CTDSPL2: variants seen among roughly 807,000 people sequenced by gnomAD.
CTDSPL2 encodes CTD small phosphatase-like protein 2.
Under a neutral mutation model 60.0 loss-of-function variants are expected in CTDSPL2, and 5 were observed. The ratio of observed to expected loss-of-function variants is 0.08; its 90% CI spans 0.04 to 0.18. CTDSPL2 has a LOEUF of 0.18. CTDSPL2 is among the 10% of genes least tolerant of loss of function. The pLI, the probability that CTDSPL2 is intolerant of heterozygous loss-of-function variation, is 1.00. For missense variants in CTDSPL2, 370 were observed against 548.8 expected (o/e 0.67, Z 3.26); for synonymous variants, 186 against 189.3 (o/e 0.98, Z 0.14).
intron 2 of CTDSPL2, among the ~76,000 whole-genome samples, chr15:44,482,385 G>A (rs2081044867): frequency 6.6e-6 from 1 of 152,140 alleles, no homozygotes; most frequent in African/African-American, 2.4e-5. Flanking sequence ...CTCCCCTTCT[G>A]GACCCATTTT....
chr15:44,429,502 G>A (rs144199074), intron 1 of CTDSPL2, among the ~76,000 whole-genome samples: 241 of 152,282 alleles, frequency 1.6e-3, no homozygotes, highest in African/African-American at 5.6e-3. Flanking sequence ...GTTTTCAAGA[G>A]TTCTCCTAAA....
intron 8 of CTDSPL2, among the ~76,000 whole-genome samples, chr15:44,500,586 A>G (rs1015793183): frequency 6.6e-6 from 1 of 152,210 alleles, no homozygotes; most frequent in African/African-American, 2.4e-5. Context: ...TTGTCTGTCA[A>G]GAGGGAGCCA....
chr15:44,428,030 G>C (rs1212246819), intron 1 of CTDSPL2: 1 of 224,302 alleles, frequency 4.5e-6, no homozygotes, highest in Non-Finnish European at 8.6e-6. Flanking sequence ...TGTGATTTCT[G>C]GGGTTAGATT....
chr15:44,455,653 G>A (rs868620375), intron 1 of CTDSPL2, among the ~76,000 whole-genome samples: 1 of 151,962 alleles, frequency 6.6e-6, no homozygotes, highest in Non-Finnish European at 1.5e-5. Flanking sequence ...TTTGTCAAAG[G>A]CCTTTTCTAC....
chr15:44,518,061 G>A (rs560654821), intron 10 of CTDSPL2, among the ~76,000 whole-genome samples: 1 of 152,120 alleles, frequency 6.6e-6, no homozygotes, highest in African/African-American at 2.4e-5. Flanking sequence ...TTAAGGTTGA[G>A]TTTTTATTTG....
chr15:44,442,695 G>A (rs1282135702), intron 1 of CTDSPL2, among the ~76,000 whole-genome samples: 1 of 151,838 alleles, frequency 6.6e-6, no homozygotes, highest in Non-Finnish European at 1.5e-5. Flanking sequence ...AAAAAATAGG[G>A]CCAGGCATGG....
intron 8 of CTDSPL2, among the ~76,000 whole-genome samples, chr15:44,500,811 G>A (rs1463849714): frequency 6.6e-6 from 1 of 152,158 alleles, no homozygotes; most frequent in Non-Finnish European, 1.5e-5. Context: ...GTAATGAGTT[G>A]TAAGAGGATT....
chr15:44,494,643 C>G (rs2081267637), intron 5 of CTDSPL2, among the ~76,000 whole-genome samples: 1 of 151,762 alleles, frequency 6.6e-6, no homozygotes. Context: ...GATGCAGTGG[C>G]TCATGCCTGT....
chr15:44,445,308 C>G (rs2080187496), intron 1 of CTDSPL2, among the ~76,000 whole-genome samples: 1 of 152,082 alleles, frequency 6.6e-6, no homozygotes, highest in South Asian at 2.1e-4. Flanking sequence ...CCACCTCAGC[C>G]TCCCAAGTAG....
intron 8 of CTDSPL2, among the ~76,000 whole-genome samples, chr15:44,508,683 G>T (rs1031113144): frequency 6.6e-6 from 1 of 152,134 alleles, no homozygotes; most frequent in African/African-American, 2.4e-5. Flanking sequence ...AGCACTTTGG[G>T]AGGCTGAGGC....
chr15:44,476,048 A>G (rs193179717), intron 2 of CTDSPL2, among the ~76,000 whole-genome samples: 24 of 152,176 alleles, frequency 1.6e-4, no homozygotes, highest in African/African-American at 5.1e-4. Flanking sequence ...CTAATGATTC[A>G]TTATTAAGTA....
Position 44,445,209 on chromosome 15 carries a change from A to G in CTDSPL2, c.-24-13782A>G, listed in dbSNP as rs184124183. Among the ~76,000 whole-genome samples the G allele has an allele frequency of 2.2e-3, 331 of 151,188 alleles. 1 individual carries two copies. The highest frequency in any genetic ancestry group is 2.5e-3 in the Non-Finnish European group (171 of 67,840). On this transcript the variant is annotated intron_variant, in intron 1 of 12. Coordinates refer to ENST00000260327, the MANE Select transcript of CTDSPL2 (RefSeq NM_016396.3). ...ATTTTTTTTTTTCTTTTTGAGACAG[A>G]GTCTCACTCCGGCTGTTGCCCTGTC...
At chr15:44,461,910 A>G (rs2080579428) in intron 2 of CTDSPL2, among the ~76,000 whole-genome samples, 1 of 152,098 alleles carries the variant, frequency 6.6e-6, no homozygotes, top group South Asian at 2.1e-4. Context: ...ATGGACCAAT[A>G]CAGTTCAAAC....
chr15:44,468,109 C>G (rs552823932), intron 2 of CTDSPL2, among the ~76,000 whole-genome samples: 4 of 151,910 alleles, frequency 2.6e-5, no homozygotes, highest in Non-Finnish European at 5.9e-5. Context: ...AGCTTGTGTT[C>G]GATTGGTGTT....
At chr15:44,466,063 T>C (rs1249441332) in intron 2 of CTDSPL2, among the ~76,000 whole-genome samples, 3 of 151,762 alleles carry the variant, frequency 2.0e-5, no homozygotes, top group African/African-American at 4.8e-5. Flanking sequence ...GCTTCCTGAG[T>C]AGATGGGATT....
At position 44,524,454 on chromosome 15, in the gene CTDSPL2, C is replaced by G. The variant is rs1326239356; in HGVS notation, c.*280C>G. ...GGACATCTGCAGTTTATAAAGAATT[C>G]TGTTTCTGCCACCAGCAGTTTGACC... On this transcript the variant is annotated 3_prime_UTR_variant, in exon 13 of 13. Transcript: ENST00000260327. The G allele has an allele frequency of 3.2e-6, 1 of 314,854 alleles. No homozygotes were observed. The highest frequency in any genetic ancestry group is 5.8e-6 in the Non-Finnish European group (1 of 171,122). 19.5% of individuals were successfully genotyped at this position (314,854 alleles called of 1,614,324 possible). A position where few individuals can be genotyped will look rare whatever the true frequency, so the allele number is the denominator to read the frequency against.
At chr15:44,457,371 C>T (rs2080469352) in intron 1 of CTDSPL2, among the ~76,000 whole-genome samples, 1 of 152,206 alleles carries the variant, frequency 6.6e-6, no homozygotes, top group Admixed American at 6.5e-5. Flanking sequence ...CCTCACCTTG[C>T]ACATCTATAT....
At position 44,525,161 on chromosome 15, in the gene CTDSPL2, A is replaced by G. The variant is rs2081853036; in HGVS notation, c.*987A>G. ...AATGAAGTATTCAGCACAGTGACTC[A>G]GTATTTTTAGTTATTTTGCATGGGC... On this transcript the variant is annotated 3_prime_UTR_variant, in exon 13 of 13. Coordinates refer to ENST00000260327, the MANE Select transcript of CTDSPL2 (RefSeq NM_016396.3). The G allele has an allele frequency of 2.8e-6, 1 of 360,366 alleles. No individual in the cohort carries two copies. The highest frequency in any genetic ancestry group is 4.6e-5 in the Admixed American group (1 of 21,630). The allele number at this position is 360,366 out of a possible 1,614,324, so 22.3% of individuals were successfully genotyped here. A position where few individuals can be genotyped will look rare whatever the true frequency, so the allele number is the denominator to read the frequency against.
intron 11 of CTDSPL2, chr15:44,520,176 G>A (rs536280714): frequency 6.8e-6 from 1 of 146,968 alleles, no homozygotes; most frequent in South Asian, 2.1e-4. Context: ...TTGAGACGGA[G>A]TTTTGCTCGT....
Sources: gnomAD v4.1 joint callset for allele counts (sites outside exome capture counted in the v4.1 genomes callset) on GRCh38, gnomAD v4.1.1 for gene constraint, MANE v1.5 for transcripts, NCBI Gene and HGNC (gene_info 2026-07-23, HGNC 2026-07-21) for gene names.